The following LETMD1 variants were observed in gnomAD, a reference collection of about 807,000 sequenced individuals.
LETMD1 encodes LETM1 domain containing 1, also known as LETM1 domain-containing protein 1.
In LETMD1, 30 loss-of-function variants were observed where a neutral mutation model predicts 43.9. The ratio of observed to expected loss-of-function variants is 0.68; its 90% CI spans 0.51 to 0.93. LETMD1 has a LOEUF of 0.93. LETMD1 is among the 40% of genes least tolerant of loss of function. The pLI is 0.00. For synonymous variants in LETMD1, 176 were observed against 163.1 expected (o/e 1.08, Z -0.60); for missense variants, 413 against 447.7 (o/e 0.92, Z 0.70).
chr12:51,064,488 G>C, downstream of LETMD1: 1 of 1,610,606 alleles, frequency 6.2e-7, no homozygotes. Context: ...GCAACTGGCA[G>C]TCGGGGAGGG....
chr12:51,052,796 T>A (rs1266141918), intron 3 of LETMD1, among the ~76,000 whole-genome samples: 2 of 148,892 alleles, frequency 1.3e-5, no homozygotes. Flanking sequence ...AAAATAATAA[T>A]AAAATGAAAA....
chr12:51,059,496 C>T lies in LETMD1; in HGVS notation c.*65C>T. On this transcript the variant is annotated 3_prime_UTR_variant, in exon 9 of 9. Coordinates refer to ENST00000262055, the MANE Select transcript of LETMD1 (RefSeq NM_015416.5). ...AGTATAGCAGTGCAGGAACAAACAGCACTTGCCAGCAAAGTCTGTGTGTAC... is the reference window on the plus strand; with the variant it reads ...AGTATAGCAGTGCAGGAACAAACAGTACTTGCCAGCAAAGTCTGTGTGTAC... The T allele has an allele frequency of 2.1e-6, 3 of 1,398,832 alleles. No individual in the cohort carries two copies. The highest frequency in any genetic ancestry group is 3.0e-6 in the Non-Finnish European group (3 of 984,850). The allele number at this position is 1,398,832 out of a possible 1,614,324, so 86.7% of individuals were successfully genotyped here.
intron 8 of LETMD1, 65 bp downstream of exon 8, chr12:51,058,193 C>A: frequency 1.9e-6 from 2 of 1,027,134 alleles, no homozygotes; most frequent in South Asian, 1.3e-5. Context: ...ATTCTGAGGT[C>A]ATTTTGGAGT....
rs1947737665 is a variant in LETMD1, at chr12:51,056,394, T to G, written c.807T>G (p.Pro269=). 4.3e-6 allele frequency: 7 copies of G among 1,614,224 alleles called. No individual in the cohort carries two copies. Among genetic ancestry groups the G allele is most frequent in the Non-Finnish European group, 5.9e-6 (7 of 1,180,038 alleles). ...TGCTTCTCACATCTTACCTGCCTCC[T>G]CCCTTGTTGAGACATCGTTTGAAGA... The part of the protein sequence containing the change: ...RAMLLTSYLP[P]PLLRHRLKTH... Residue 269 remains proline, a synonymous_variant, in exon 7 of 9, where the codon CCT becomes CCG. Coordinates refer to ENST00000262055, the MANE Select transcript of LETMD1 (RefSeq NM_015416.5).
chr12:51,049,024 T>A lies in LETMD1; in HGVS notation c.123-10T>A, dbSNP rs2136495318. The stretch of plus-strand genomic sequence containing the variant: ...TGATTCCCAGATAGTCTCTTTGATC[T>A]TCCTTGTAGGTCTTCAAAGCTTCAC... On this transcript the variant is annotated splice_polypyrimidine_tract_variant and intron_variant, in intron 1 of 8. Coordinates refer to ENST00000262055, the MANE Select transcript of LETMD1 (RefSeq NM_015416.5). 1.2e-6 allele frequency: 2 copies of A among 1,611,024 alleles called. No homozygotes were observed. Among genetic ancestry groups the A allele is most frequent in the East Asian group, 2.2e-5 (1 of 44,848 alleles).
downstream of LETMD1, chr12:51,064,017 A>G (rs755033547): frequency 1.1e-5 from 17 of 1,614,214 alleles, no homozygotes; most frequent in South Asian, 1.9e-4. Context: ...GGTAACAGGG[A>G]GAGAGAAGAC....
downstream of LETMD1, chr12:51,064,402 G>C (rs1029000388): frequency 6.2e-7 from 1 of 1,614,030 alleles, no homozygotes; most frequent in Non-Finnish European, 8.5e-7. Context: ...CTCTGCAGGT[G>C]CATCACTGCT....
At chr12:51,050,600 T>C (rs1945789961) in intron 2 of LETMD1, among the ~76,000 whole-genome samples, 1 of 152,174 alleles carries the variant, frequency 6.6e-6, no homozygotes, top group Non-Finnish European at 1.5e-5. Context: ...CCTCACTTCA[T>C]TATCATAACT....
chr12:51,067,951 C>T, the LETMD1 span: 3 of 1,613,574 alleles, frequency 1.9e-6, no homozygotes, highest in Non-Finnish European at 2.5e-6. The surrounding 1 kb of genome is among the most constrained non-coding windows in gnomAD (Gnocchi z 4.1). Context: ...ACCGACTCCA[C>T]TGTCCCATTC....
chr12:51,048,695 T>C, intron 1 of LETMD1: 1 of 634,512 alleles, frequency 1.6e-6, no homozygotes, highest in South Asian at 2.0e-5. Context: ...TCCCCGCGTG[T>C]CCTGAGCTCA....
At chr12:51,057,802 T>C (rs1725581228) in intron 7 of LETMD1, 1 of 496,900 alleles carries the variant, frequency 2.0e-6, no homozygotes, top group African/African-American at 2.0e-5. Flanking sequence ...ATTTTTGTAT[T>C]TTTTAGTAGA....
chr12:51,057,046 C>T, intron 7 of LETMD1: 1 of 153,356 alleles, frequency 6.5e-6, no homozygotes, highest in Non-Finnish European at 1.4e-5. Flanking sequence ...GGGAATACAG[C>T]CGTGAACCAC....
intron 3 of LETMD1, among the ~76,000 whole-genome samples, chr12:51,053,125 G>T (rs1833035562): frequency 6.7e-6 from 1 of 149,394 alleles, no homozygotes; most frequent in African/African-American, 2.5e-5. Context: ...AAAAAAAAAA[G>T]TCTGCAAGGA....
downstream of LETMD1, chr12:51,062,456 G>C (rs929086862): frequency 1.3e-5 from 2 of 152,210 alleles, no homozygotes; most frequent in African/African-American, 4.8e-5. Flanking sequence ...AGGATGAACA[G>C]GAACTGTATT....
At chr12:51,063,544 C>A, downstream of LETMD1, 1 of 423,576 alleles carries the variant, frequency 2.4e-6, no homozygotes, top group Non-Finnish European at 4.2e-6. Context: ...AAGACTATCC[C>A]CAGATCAAGG....
At chr12:51,048,842 C>A in intron 1 of LETMD1, 192 bp from the exon 2 acceptor site, 1 of 619,452 alleles carries the variant, frequency 1.6e-6, no homozygotes, top group Non-Finnish European at 2.8e-6. Context: ...TACTTTCCTG[C>A]CTGGCCTTTG....
In LETMD1 at chr12:51,052,113, A is replaced by T. The variant is rs571770638; in HGVS notation, c.296A>T (p.Asp99Val). The T allele has an allele frequency of 7.9e-5, 127 of 1,614,078 alleles. 1 individual carries two copies. The South Asian group carries it at 1.3e-3, about 17-fold the overall frequency. Reference sequence around the variant, plus strand: ...GCAGGATTGCAGATGTTATGGGCTGATGCCAAAAAGGCTAGAAGAATAAAG... The same window carrying T: ...GCAGGATTGCAGATGTTATGGGCTGTTGCCAAAAAGGCTAGAAGAATAAAG... ...FMKGLQMLWA[D>V]AKKARRIKTN... The change falls in exon 3 of 9, where the codon GAT becomes GTT. Residue 99 changes from aspartate to valine, a missense_variant. By Grantham distance (152) the Asp-to-Val change is radical (BLOSUM62 -3). Transcript: ENST00000262055.
chr12:51,050,264 C>T (rs1243044638), intron 2 of LETMD1, among the ~76,000 whole-genome samples: 1 of 150,734 alleles, frequency 6.6e-6, no homozygotes, highest in African/African-American at 2.4e-5. Context: ...ACCGTGTCGC[C>T]CAGGCTGGAG....
intron 8 of LETMD1, 180 bp downstream of exon 8, chr12:51,058,308 A>G: frequency 1.6e-6 from 1 of 612,272 alleles, no homozygotes; most frequent in Non-Finnish European, 2.9e-6. Context: ...AGGCCATAAG[A>G]CAAGAGGGAG....
Sources: gnomAD v4.1 joint callset for allele counts (sites outside exome capture counted in the v4.1 genomes callset) on GRCh38, gnomAD v4.1.1 for gene constraint, Gnocchi (gnomAD v3.1) non-coding constraint, MANE v1.5 for transcripts, NCBI Gene and HGNC (gene_info 2026-07-23, HGNC 2026-07-21) for gene names.